The following VSIG10 variants were observed in gnomAD, a reference collection of about 807,000 sequenced individuals.
VSIG10 encodes V-set and immunoglobulin domain-containing protein 10.
VSIG10 carries 48 observed loss-of-function variants against 58.7 expected under a neutral mutation model. That is an observed-to-expected ratio of 0.82 (90% CI 0.65 to 1.04). The LOEUF (loss-of-function observed/expected upper bound fraction) is 1.04, where lower values mean the gene tolerates loss of function less well. VSIG10 is among the 50% of genes least tolerant of loss of function. VSIG10 has a pLI of 0.00. For synonymous variants in VSIG10, 260 were observed against 267.1 expected (o/e 0.97, Z 0.26); for missense variants, 628 against 670.0 (o/e 0.94, Z 0.69).
At chr12:118,094,882 G>A (rs1194937161) in intron 2 of VSIG10, among the ~76,000 whole-genome samples, 7 of 149,234 alleles carry the variant, frequency 4.7e-5, no homozygotes, top group Admixed American at 2.7e-4. Context: ...GATTACAGGC[G>A]TGCGCCACCA....
At chr12:118,097,100 G>C (rs1473065847) in intron 1 of VSIG10, among the ~76,000 whole-genome samples, 3 of 152,066 alleles carry the variant, frequency 2.0e-5, no homozygotes, top group African/African-American at 7.2e-5. Context: ...TGGGACTCTT[G>C]GCCAGTCACT....
intron 2 of VSIG10, among the ~76,000 whole-genome samples, chr12:118,083,123 A>T (rs1472987138): frequency 5.3e-5 from 2 of 37,548 alleles, no homozygotes; most frequent in African/African-American, 4.9e-4. Flanking sequence ...ACAAAAAAAA[A>T]AAAAAAAAAA....
intron 4 of VSIG10, among the ~76,000 whole-genome samples, chr12:118,079,130 T>G (rs531259637): frequency 2.6e-5 from 4 of 151,792 alleles, no homozygotes; most frequent in African/African-American, 7.3e-5. Flanking sequence ...ATCTGTCAAG[T>G]GGAAAATAGC....
At chr12:118,076,655 ATC>A (rs1330785120) in intron 4 of VSIG10, among the ~76,000 whole-genome samples, 3 of 149,628 alleles carry the variant, frequency 2.0e-5, no homozygotes, top group East Asian at 3.9e-4. Flanking sequence ...GGCGCTTCTG[ATC>A]TCTCTTACCT....
intron 7 of VSIG10, 31 bp downstream of exon 7, chr12:118,071,021 G>A: frequency 6.3e-7 from 1 of 1,599,046 alleles, no homozygotes; most frequent in Non-Finnish European, 8.5e-7. Context: ...TGCGGGAATG[G>A]GTGTTTGGTT....
intron 4 of VSIG10, among the ~76,000 whole-genome samples, chr12:118,076,006 C>CTA (rs776839866): frequency 5.9e-5 from 9 of 152,142 alleles, no homozygotes; most frequent in Non-Finnish European, 1.2e-4. Context: ...AGCCTTCCTT[C>CTA]TATGCTATAC....
chr12:118,079,511 G>C lies in VSIG10; in HGVS notation c.760C>G (p.Pro254Ala), dbSNP rs777051727. 3 of 1,613,882 alleles carry C rather than the reference G, an allele frequency of 1.9e-6. No homozygotes were observed. In the African/African-American group the frequency reaches 4.0e-5, roughly 22 times the overall value. Residue 254 changes from proline (P) to alanine (A), a missense_variant, in exon 4 of 9, where the codon CCT becomes GCT. Pro to Ala is a conservative substitution (Grantham distance 27). Coordinates refer to ENST00000359236, the MANE Select transcript of VSIG10 (RefSeq NM_019086.6). ...GGCTCTTCTATCCACAGGAAGTCAG[G>C]GTCAGGGTATCCCCCATCCCAGCGA... ...TCRWDGGYPD[P>A]DFLWIEEPGG...
At chr12:118,067,353 A>C (rs2032286002) in intron 8 of VSIG10, among the ~76,000 whole-genome samples, 3 of 151,996 alleles carry the variant, frequency 2.0e-5, no homozygotes, top group Admixed American at 1.3e-4. Flanking sequence ...TCAGGCAATT[A>C]ATCAAATATC....
At chr12:118,092,311 C>T (rs553529952) in intron 2 of VSIG10, among the ~76,000 whole-genome samples, 11 of 152,098 alleles carry the variant, frequency 7.2e-5, no homozygotes, top group East Asian at 1.9e-4. Flanking sequence ...GCAATCATCC[C>T]GTCTCAGCCT....
rs1411065931 is a variant in VSIG10, at chr12:118,071,372, C to T, written c.1317G>A (p.Val439=). Residue 439 remains valine (V), a synonymous_variant, in exon 6 of 9, where the codon GTG becomes GTA. Transcript: ENST00000359236. The part of the protein sequence containing the change: ...ISGLLLHYSP[V]FCWKVGNTSR... ...GGGAGTCCTTACCTTTCCAGCAGAA[C>T]ACAGGGCTATAATGCAACAGAAGCC... 6.2e-7 allele frequency: 1 copy of T among 1,613,728 alleles called. No homozygotes were observed. Among genetic ancestry groups the T allele is most frequent in the African/African-American group, 1.3e-5 (1 of 74,906 alleles).
chr12:118,081,844 C>A (rs145705848), intron 3 of VSIG10, among the ~76,000 whole-genome samples: 220 of 152,150 alleles, frequency 1.4e-3, no homozygotes, highest in African/African-American at 5.1e-3. Flanking sequence ...TGGAGAAACC[C>A]CGTCTCTACT....
chr12:118,079,453 C>T lies in VSIG10; in HGVS notation c.818G>A (p.Gly273Glu), dbSNP rs766688144. ...CTGGGACTCGCTCAGCATTTCCACC[C>T]CCAGCTTTGACTTCCCCACGATTAC... ...GGVIVGKSKL[G>E]VEMLSESQLS... Residue 273 changes from glycine (G) to glutamate (E), a missense_variant, in exon 4 of 9, where the codon GGG becomes GAG. Coordinates refer to ENST00000359236, the MANE Select transcript of VSIG10 (RefSeq NM_019086.6). 37 of 1,613,904 alleles carry T rather than the reference C, an allele frequency of 2.3e-5. No individual in the cohort carries two copies. In the Middle Eastern group the frequency reaches 4.9e-4, roughly 22 times the overall value.
intron 2 of VSIG10, among the ~76,000 whole-genome samples, chr12:118,093,598 C>T (rs114655283): frequency 0.012 from 1,787 of 151,994 alleles, 35 homozygotes; most frequent in African/African-American, 0.041. Flanking sequence ...AAGCCCTGTA[C>T]TTAGCACCGT....
At chr12:118,091,518 A>T (rs2033297545) in intron 2 of VSIG10, among the ~76,000 whole-genome samples, 1 of 151,950 alleles carries the variant, frequency 6.6e-6, no homozygotes, top group Non-Finnish European at 1.5e-5. Context: ...AGTTTCAGAA[A>T]AATCACATTA....
At position 118,076,938 on chromosome 12, in the gene VSIG10, C is replaced by T. The variant is rs555232993; in HGVS notation, c.925+2408G>A. Among the ~76,000 whole-genome samples the T allele has an allele frequency of 1.1e-4, 17 of 152,300 alleles. No individual in the cohort carries two copies. In the East Asian group the frequency reaches 1.7e-3, roughly 16 times the overall value. ...ACTCCCAAAGTGCTGGGATTACAGGCGTGAGCCACCACGCCCGGCCTTCTC... is the reference window on the plus strand; with the variant it reads ...ACTCCCAAAGTGCTGGGATTACAGGTGTGAGCCACCACGCCCGGCCTTCTC... On this transcript the variant is annotated intron_variant, in intron 4 of 8. Coordinates refer to ENST00000359236, the MANE Select transcript of VSIG10 (RefSeq NM_019086.6).
rs1185084995 is a variant in VSIG10, at chr12:118,082,252, T to C, written c.539A>G (p.Asn180Ser). ...LNSSSESFGHNLTVNFFSLLL... is the reference protein window; with the variant it reads ...LNSSSESFGHSLTVNFFSLLL... ...CAGTGAGAAAAAGTTGACTGTCAGG[T>C]TGTGGCCAAAGGACTCGCTGCTGGA... Residue 180 changes from asparagine (N) to serine (S), a missense_variant, in exon 3 of 9, where the codon AAC becomes AGC. By Grantham distance (46) the Asn-to-Ser change is conservative (BLOSUM62 1). Transcript: ENST00000359236. 2 of 1,613,786 alleles carry C rather than the reference T, an allele frequency of 1.2e-6. No homozygotes were observed. The highest frequency in any genetic ancestry group is 8.5e-7 in the Non-Finnish European group (1 of 1,179,882).
At chr12:118,086,771 A>AT (rs1201480401) in intron 2 of VSIG10, among the ~76,000 whole-genome samples, 18 of 152,104 alleles carry the variant, frequency 1.2e-4, no homozygotes, top group African/African-American at 3.6e-4. Context: ...TTACTTATGT[A>AT]TTTTTTTGAG....
In VSIG10 at chr12:118,066,325, C is replaced by T; in HGVS notation, c.*314G>A. On this transcript the variant is annotated 3_prime_UTR_variant, in exon 9 of 9. Transcript: ENST00000359236. ...TCCCTGACCTCTGTTCCCTCTAAATCAGCATCTATCACAGTAGATCAACCT... is the reference window on the plus strand; with the variant it reads ...TCCCTGACCTCTGTTCCCTCTAAATTAGCATCTATCACAGTAGATCAACCT... 3.3e-6 allele frequency: 1 copy of T among 302,280 alleles called. No individual in the cohort carries two copies. The highest frequency in any genetic ancestry group is 3.3e-5 in the South Asian group (1 of 29,932). 18.7% of individuals were successfully genotyped at this position (302,280 alleles called of 1,614,324 possible).
chr12:118,081,684 T>C (rs531316855), intron 3 of VSIG10, among the ~76,000 whole-genome samples: 22 of 152,254 alleles, frequency 1.4e-4, no homozygotes, highest in African/African-American at 5.3e-4. Context: ...GAGCCACAGA[T>C]ACATGTTCAG....
Sources: allele counts gnomAD v4.1 joint callset (sites outside exome capture counted in the v4.1 genomes callset), GRCh38; gene constraint gnomAD v4.1.1; transcripts MANE v1.5; gene names NCBI Gene and HGNC (gene_info 2026-07-23, HGNC 2026-07-21).